Variants in WWTR1 observed in about 807,000 individuals in gnomAD.
WWTR1 encodes the protein WW domain-containing transcription regulator protein 1.
WWTR1 carries 13 observed loss-of-function variants against 40.1 expected under a neutral mutation model. The observed-to-expected ratio is 0.32, with a 90% CI of 0.21 to 0.52. WWTR1 has a LOEUF of 0.52. WWTR1 is among the 20% of genes least tolerant of loss of function. The pLI, the probability that WWTR1 is intolerant of heterozygous loss-of-function variation, is 0.97. For missense variants in WWTR1, 436 were observed against 523.1 expected (o/e 0.83, Z 1.63); for synonymous variants, 230 against 210.1 (o/e 1.09, Z -0.82).
At chr3:149,648,453 A>G (rs571469331) in intron 2 of WWTR1, among the ~76,000 whole-genome samples, 6 of 152,112 alleles carry the variant, frequency 3.9e-5, no homozygotes, top group South Asian at 2.1e-4. Flanking sequence ...CAAAAAAAAA[A>G]CAGTAATATG....
At chr3:149,566,577 GA>G (rs58715009) in intron 3 of WWTR1, among the ~76,000 whole-genome samples, 15,611 of 151,902 alleles carry the variant, frequency 0.1, 1,055 homozygotes, top group South Asian at 0.27. Flanking sequence ...AAAACTAATG[GA>G]AAAAAAGGAA....
At chr3:149,712,208 G>T (rs1363928857) in intron 5 of WWTR1, among the ~76,000 whole-genome samples, 3 of 152,122 alleles carry the variant, frequency 2.0e-5, no homozygotes, top group Admixed American at 6.5e-5. Flanking sequence ...GAGGATTGAG[G>T]CCAGGAGTTC....
At chr3:149,524,809 G>A (rs17195631) in intron 6 of WWTR1, among the ~76,000 whole-genome samples, 12,304 of 152,148 alleles carry the variant, frequency 0.081, 546 homozygotes, top group Admixed American at 0.1. Context: ...AAAAACTACA[G>A]GCACTATGGC....
At chr3:149,590,356 G>A (rs1738634772) in intron 2 of WWTR1, among the ~76,000 whole-genome samples, 1 of 152,062 alleles carries the variant, frequency 6.6e-6, no homozygotes, top group Admixed American at 6.5e-5. Context: ...CTGTTTTTAA[G>A]AAATAAAAAT....
intron 4 of WWTR1, among the ~76,000 whole-genome samples, chr3:149,539,145 G>T (rs1268938797): frequency 6.6e-6 from 1 of 152,146 alleles, no homozygotes; most frequent in Non-Finnish European, 1.5e-5. Flanking sequence ...AAGGACCAAG[G>T]AGTTGTTTTT....
chr3:149,677,819 GAC>G (rs1284315897), intron 1 of WWTR1, among the ~76,000 whole-genome samples: 1 of 152,160 alleles, frequency 6.6e-6, no homozygotes, highest in Non-Finnish European at 1.5e-5. Flanking sequence ...CAGCCTGGGT[GAC>G]ACAGCGATCT....
intron 4 of WWTR1, among the ~76,000 whole-genome samples, chr3:149,536,169 G>A (rs1351338511): frequency 1.3e-5 from 2 of 152,174 alleles, no homozygotes; most frequent in African/African-American, 4.8e-5. Flanking sequence ...GAGGGAAGGG[G>A]CTGGGGTCTG....
chr3:149,625,249 G>A (rs1421892692), intron 2 of WWTR1, among the ~76,000 whole-genome samples: 1 of 151,494 alleles, frequency 6.6e-6, no homozygotes, highest in Non-Finnish European at 1.5e-5. Flanking sequence ...AGCCTCCCAA[G>A]TAGCTGGGAC....
At chr3:149,713,435 C>T (rs575334622) in intron 5 of WWTR1, among the ~76,000 whole-genome samples, 69 of 151,970 alleles carry the variant, frequency 4.5e-4, no homozygotes, top group African/African-American at 1.4e-3. Flanking sequence ...GGCTGGAGTG[C>T]AGTGGCACAA....
At chr3:149,672,492 G>A (rs1255029816) in intron 1 of WWTR1, among the ~76,000 whole-genome samples, 1 of 152,042 alleles carries the variant, frequency 6.6e-6, no homozygotes, top group African/African-American at 2.4e-5. Flanking sequence ...TTTCTACCAT[G>A]GCCAAGCCTC....
intron 4 of WWTR1, chr3:149,540,957 G>C (rs1259255710): frequency 4.5e-6 from 2 of 447,730 alleles, no homozygotes; most frequent in African/African-American, 4.0e-5. Context: ...ATTCATTCAT[G>C]GAAGTCAATG....
At chr3:149,533,246 C>G (rs555118319) in intron 4 of WWTR1, among the ~76,000 whole-genome samples, 1 of 152,306 alleles carries the variant, frequency 6.6e-6, no homozygotes, top group East Asian at 1.9e-4. Flanking sequence ...TGACCTCTTC[C>G]TCCAATCAAC....
At chr3:149,694,766 A>G (rs767730997) in intron 1 of WWTR1, among the ~76,000 whole-genome samples, 1 of 152,238 alleles carries the variant, frequency 6.6e-6, no homozygotes, top group Non-Finnish European at 1.5e-5. Flanking sequence ...TGGTGTCTCA[A>G]AAAACTAAAA....
At chr3:149,552,335 A>G (rs1188328150) in intron 3 of WWTR1, among the ~76,000 whole-genome samples, 1 of 152,050 alleles carries the variant, frequency 6.6e-6, no homozygotes, top group Admixed American at 6.6e-5. Flanking sequence ...TAGGCACTAA[A>G]TACATTCTCC....
At chr3:149,562,205 G>A (rs1737113954) in intron 3 of WWTR1, among the ~76,000 whole-genome samples, 1 of 151,796 alleles carries the variant, frequency 6.6e-6, no homozygotes, top group Non-Finnish European at 1.5e-5. Flanking sequence ...TGAAGCAGGA[G>A]AATGGCTTGA....
intron 2 of WWTR1, among the ~76,000 whole-genome samples, chr3:149,628,324 A>C (rs571132598): frequency 2.0e-5 from 3 of 152,234 alleles, no homozygotes; most frequent in East Asian, 1.9e-4. Context: ...GGCCGAGATC[A>C]CGCCACTGCA....
At chr3:149,714,467 G>A (rs982617023) in intron 5 of WWTR1, among the ~76,000 whole-genome samples, 7 of 152,230 alleles carry the variant, frequency 4.6e-5, no homozygotes, top group Non-Finnish European at 8.8e-5. Flanking sequence ...GGCCAAGCCC[G>A]GGCGCTGTTG....
At chr3:149,700,794 A>G (rs1425067388) in intron 1 of WWTR1, among the ~76,000 whole-genome samples, 4 of 152,176 alleles carry the variant, frequency 2.6e-5, no homozygotes, top group African/African-American at 7.2e-5. Flanking sequence ...TTGGACACGT[A>G]TGGGCTTCTA....
chr3:149,659,671 G>A (rs1713482534), upstream of WWTR1: 3 of 152,162 alleles, frequency 2.0e-5, no homozygotes, highest in South Asian at 6.2e-4. Context: ...TAAAGTCGAA[G>A]TTAAAATCTG....
Sources: allele counts gnomAD v4.1 joint callset (sites outside exome capture counted in the v4.1 genomes callset), GRCh38; gene constraint gnomAD v4.1.1; transcripts MANE v1.5; gene names NCBI Gene and HGNC (gene_info 2026-07-23, HGNC 2026-07-21).